The following HMCES variants were observed in gnomAD, a reference collection of about 807,000 sequenced individuals.
The protein encoded by HMCES is 5-hydroxymethylcytosine binding, ES cell specific.
HMCES carries 27 observed loss-of-function variants against 35.1 expected under a neutral mutation model. That is an observed-to-expected ratio of 0.77 (90% CI 0.57 to 1.06). HMCES has a LOEUF of 1.06. Among genes scored for constraint, HMCES ranks in the 50% least tolerant of loss-of-function variants. The pLI, the probability that HMCES is intolerant of heterozygous loss-of-function variation, is 0.00. For synonymous variants in HMCES, 130 were observed against 154.7 expected (o/e 0.84, Z 1.18); for missense variants, 391 against 430.4 (o/e 0.91, Z 0.81).
chr3:129,285,729 G>A lies in HMCES; in HGVS notation c.184-3125G>A, dbSNP rs558199662. Among the ~76,000 whole-genome samples the A allele has an allele frequency of 3.3e-5, 5 of 151,182 alleles. No homozygotes were observed. In the East Asian group the frequency reaches 5.8e-4, roughly 18 times the overall value. On this transcript the variant is annotated intron_variant, in intron 2 of 6. Coordinates refer to ENST00000383463, the MANE Select transcript of HMCES (RefSeq NM_020187.3). ...CCCAAAGTGCTAGGATTACAGGCAT[G>A]AGCCACCGCGCCCGGCCCAGGATTT...
At chr3:129,282,767 T>G (rs1032472922) in intron 2 of HMCES, among the ~76,000 whole-genome samples, 1 of 152,204 alleles carries the variant, frequency 6.6e-6, no homozygotes, top group Non-Finnish European at 1.5e-5. Flanking sequence ...AACCACAGAT[T>G]TGCAAATTAC....
intron 2 of HMCES, among the ~76,000 whole-genome samples, chr3:129,283,577 T>G (rs536454664): frequency 1.3e-5 from 2 of 152,192 alleles, no homozygotes; most frequent in Admixed American, 1.3e-4. Context: ...ACACCTGTAA[T>G]CTCATTACTT....
In HMCES at chr3:129,305,016, G is replaced by A. The variant is rs2071217914; in HGVS notation, c.*191G>A. On this transcript the variant is annotated 3_prime_UTR_variant, in exon 7 of 7. Coordinates refer to ENST00000383463, the MANE Select transcript of HMCES (RefSeq NM_020187.3). The stretch of plus-strand genomic sequence containing the variant: ...GGGGCTGGTGGACAGCTTTGGAAGA[G>A]GTGTCCTGCTGCTGTTACCAGCCAT... 3 of 595,866 alleles carry A rather than the reference G, an allele frequency of 5.0e-6. No homozygotes were observed. The highest frequency in any genetic ancestry group is 8.9e-6 in the Non-Finnish European group (3 of 336,712). The allele number at this position is 595,866 out of a possible 1,614,324, so 36.9% of individuals were successfully genotyped here.
Position 129,279,587 on chromosome 3 carries a change from C to A in HMCES, c.-23-123C>A. ...TCTTTGTGGGACTTTTTGGGGAAGA[C>A]TTTAGACGGTGGTCACGGAGGGGCA... On this transcript the variant is annotated intron_variant, in intron 1 of 6. Transcript: ENST00000383463. This position sits in a 1 kb window ranked among gnomAD's most constrained non-coding sequence, Gnocchi z 4.2. 1 of 963,064 alleles carries A rather than the reference C, an allele frequency of 1.0e-6. No homozygotes were observed. The highest frequency in any genetic ancestry group is 1.5e-6 in the Non-Finnish European group (1 of 650,244). 59.7% of individuals were successfully genotyped at this position (963,064 alleles called of 1,614,324 possible).
intron 2 of HMCES, among the ~76,000 whole-genome samples, chr3:129,284,559 G>A (rs1386653179): frequency 6.6e-6 from 1 of 152,154 alleles, no homozygotes; most frequent in Non-Finnish European, 1.5e-5. Context: ...GCAACTTTAT[G>A]AAATCTAACT....
At chr3:129,301,148 C>T (rs1403057538) in intron 5 of HMCES, among the ~76,000 whole-genome samples, 2 of 138,492 alleles carry the variant, frequency 1.4e-5, no homozygotes, top group African/African-American at 2.8e-5. Flanking sequence ...GTGGAGATCA[C>T]GCCACTGCAC....
chr3:129,304,828 C>A lies in HMCES; in HGVS notation c.*3C>A, dbSNP rs1316679482. The A allele has an allele frequency of 1.2e-6, 2 of 1,611,116 alleles. No individual in the cohort carries two copies. The highest frequency in any genetic ancestry group is 1.1e-5 in the South Asian group (1 of 91,002). ...CCAAGCGTCCTTACAGCCAGTGACA[C>A]AGGACTTTCAGAGACCAAGGCCAGG... is the stretch of plus-strand genomic sequence containing the variant. On this transcript the variant is annotated 3_prime_UTR_variant, in exon 7 of 7. Coordinates refer to ENST00000383463, the MANE Select transcript of HMCES (RefSeq NM_020187.3).
At chr3:129,294,031 CTT>C (rs1258876570) in intron 4 of HMCES, among the ~76,000 whole-genome samples, 1 of 152,156 alleles carries the variant, frequency 6.6e-6, no homozygotes, top group Non-Finnish European at 1.5e-5. Flanking sequence ...TCCATCAACT[CTT>C]TGTTCCTTTT....
chr3:129,279,599 G>A lies in HMCES; in HGVS notation c.-23-111G>A. On this transcript the variant is annotated intron_variant, in intron 1 of 6. Transcript: ENST00000383463. This position sits in a 1 kb window ranked among gnomAD's most constrained non-coding sequence, Gnocchi z 4.2. Reference sequence around the variant, plus strand: ...TTTTTGGGGAAGACTTTAGACGGTGGTCACGGAGGGGCACGGCCCTGTGGG... The same window carrying A: ...TTTTTGGGGAAGACTTTAGACGGTGATCACGGAGGGGCACGGCCCTGTGGG... 9.2e-7 allele frequency: 1 copy of A among 1,081,874 alleles called. No individual in the cohort carries two copies. The highest frequency in any genetic ancestry group is 1.5e-5 in the South Asian group (1 of 68,202). The allele number at this position is 1,081,874 out of a possible 1,614,324, so 67.0% of individuals were successfully genotyped here.
At chr3:129,281,926 C>CAAAAAA (rs553350109) in intron 2 of HMCES, among the ~76,000 whole-genome samples, 1 of 71,586 alleles carries the variant, frequency 1.4e-5, no homozygotes, top group Non-Finnish European at 3.1e-5. Context: ...GACTCAGTCT[C>CAAAAAA]AAAAAAAAAA....
At chr3:129,281,606 G>A (rs371169357) in intron 2 of HMCES, among the ~76,000 whole-genome samples, 1 of 152,088 alleles carries the variant, frequency 6.6e-6, no homozygotes, top group Non-Finnish European at 1.5e-5. Context: ...CAGGAGAATC[G>A]CTTGAACCCG....
intron 5 of HMCES, among the ~76,000 whole-genome samples, chr3:129,300,191 T>G (rs911549406): frequency 3.5e-5 from 5 of 144,408 alleles, no homozygotes; most frequent in Non-Finnish European, 7.5e-5. Flanking sequence ...TATATATATA[T>G]AGAAAAGTTC....
rs372430315 is a variant in HMCES, at chr3:129,288,873, G to C, written c.203G>C (p.Arg68Pro). Residue 68 changes from arginine to proline, a missense_variant, in exon 3 of 7, where the codon CGT becomes CCT. Coordinates refer to ENST00000383463, the MANE Select transcript of HMCES (RefSeq NM_020187.3). ...HFEKDADSSE[R>P]IIAPMRWGLV... ...TGGCAGGATGCAGACTCATCTGAGC[G>C]TATCATTGCTCCCATGCGCTGGGGC... 2 of 1,571,518 alleles carry C rather than the reference G, an allele frequency of 1.3e-6. No homozygotes were observed. Among genetic ancestry groups the C allele is most frequent in the Non-Finnish European group, 1.7e-6 (2 of 1,147,892 alleles).
intron 2 of HMCES, among the ~76,000 whole-genome samples, chr3:129,281,208 G>A (rs145996205): frequency 0.012 from 1,795 of 151,668 alleles, 27 homozygotes; most frequent in African/African-American, 0.04. Flanking sequence ...GCGGCAGAGC[G>A]AGACTCCATC....
Position 129,279,671 on chromosome 3 carries a change from A to C in HMCES, c.-23-39A>C. The C allele has an allele frequency of 6.3e-7, 1 of 1,576,976 alleles. No homozygotes were observed. Among genetic ancestry groups the C allele is most frequent in the Admixed American group, 1.8e-5 (1 of 55,552 alleles). ...CTCAAGGAATAAGACCTAATATTTG[A>C]GATACGTAAGCCTTTTCCTTACGTT... is the stretch of plus-strand genomic sequence containing the variant. On this transcript the variant is annotated intron_variant, in intron 1 of 6. Coordinates refer to ENST00000383463, the MANE Select transcript of HMCES (RefSeq NM_020187.3). The surrounding 1 kb of genome is among the most constrained non-coding windows in gnomAD (Gnocchi z 4.2).
At chr3:129,289,153 A>G (rs114476609) in intron 3 of HMCES, among the ~76,000 whole-genome samples, 156 bp downstream of exon 3, 1 of 152,280 alleles carries the variant, frequency 6.6e-6, no homozygotes, top group African/African-American at 2.4e-5. Flanking sequence ...TTGTTACTAC[A>G]TAACAAACCA....
chr3:129,280,888 C>T (rs1940458497), intron 2 of HMCES, among the ~76,000 whole-genome samples: 2 of 152,084 alleles, frequency 1.3e-5, no homozygotes, highest in Admixed American at 6.5e-5. Flanking sequence ...ATAGTTTCTC[C>T]ATGTCTTAAA....
chr3:129,298,301 T>C, intron 4 of HMCES, 53 bp from the exon 5 acceptor site: 4 of 1,529,008 alleles, frequency 2.6e-6, no homozygotes, highest in Non-Finnish European at 3.6e-6. Context: ...CTAACCTGCA[T>C]GTAGAAGAAG....
Position 129,279,931 on chromosome 3 carries a change from CTA to C in HMCES, c.183+18_183+19del. On this transcript the variant is annotated intron_variant, in intron 2 of 6. Coordinates refer to ENST00000383463, the MANE Select transcript of HMCES (RefSeq NM_020187.3). This position sits in a 1 kb window ranked among gnomAD's most constrained non-coding sequence, Gnocchi z 4.2. ...CTTTGAGAAGGTAACCAGCATTGCA[CTA>C]TGCTAGCCCCTCGCCCAGCCTCGTG... is the stretch of plus-strand genomic sequence containing the variant. 1 of 1,541,922 alleles carries C rather than the reference CTA, an allele frequency of 6.5e-7. No individual in the cohort carries two copies. Among genetic ancestry groups the C allele is most frequent in the Non-Finnish European group, 8.7e-7 (1 of 1,146,334 alleles).
Sources: allele counts gnomAD v4.1 joint callset (sites outside exome capture counted in the v4.1 genomes callset), GRCh38; gene constraint gnomAD v4.1.1; non-coding constraint Gnocchi (gnomAD v3.1); transcripts MANE v1.5; gene names NCBI Gene and HGNC (gene_info 2026-07-23, HGNC 2026-07-21).